HS6ST3: variants seen among roughly 807,000 people sequenced by gnomAD.
The protein encoded by HS6ST3 is heparan sulfate 6-O-sulfotransferase 3, also known as heparan-sulfate 6-O-sulfotransferase 3.
HS6ST3 carries 12 observed loss-of-function variants against 36.7 expected under a neutral mutation model. That is an observed-to-expected ratio of 0.33 (90% CI 0.21 to 0.53). HS6ST3 has a LOEUF of 0.53. HS6ST3 is among the 20% of genes least tolerant of loss of function. HS6ST3 has a pLI of 0.95. For synonymous variants in HS6ST3, 240 were observed against 257.5 expected (o/e 0.93, Z 0.65); for missense variants, 584 against 640.9 (o/e 0.91, Z 0.96).
At chr13:96,527,821 T>C (rs1025296595) in intron 1 of HS6ST3, among the ~76,000 whole-genome samples, 4 of 152,052 alleles carry the variant, frequency 2.6e-5, no homozygotes, top group Non-Finnish European at 5.9e-5. Context: ...GTAGGTAGCA[T>C]TGTTCTCAAA....
Position 96,722,988 on chromosome 13 carries a change from CGTGTGTGTGTGTGTGT to C in HS6ST3, c.708-109481_708-109466del, listed in dbSNP as rs34651683. Among the ~76,000 whole-genome samples the C allele has an allele frequency of 7.0e-5, 10 of 143,672 alleles. No homozygotes were observed. The South Asian group carries it at 9.2e-4, about 13-fold the overall frequency. The allele number at this position is 143,672 out of a possible 152,430, so 94.3% of individuals were successfully genotyped here. On this transcript the variant is annotated intron_variant, in intron 1 of 1. Coordinates refer to ENST00000376705, the MANE Select transcript of HS6ST3 (RefSeq NM_153456.4). ...CAAGACCCTGTCTCAAAAAAATATACGTGTGTGTGTGTGTGTGTGTGTGTGTGTGTGTGTGTACAAG... is the reference window on the plus strand; with the variant it reads ...CAAGACCCTGTCTCAAAAAAATATACGTGTGTGTGTGTGTGTGTGTACAAG...
chr13:96,488,348 C>T (rs2055926753), intron 1 of HS6ST3, among the ~76,000 whole-genome samples: 1 of 152,072 alleles, frequency 6.6e-6, no homozygotes, highest in African/African-American at 2.4e-5. Context: ...AAACCGGTAC[C>T]TCTTAGGTTG....
chr13:96,716,028 C>A (rs575704938), intron 1 of HS6ST3, among the ~76,000 whole-genome samples: 4 of 151,900 alleles, frequency 2.6e-5, no homozygotes, highest in African/African-American at 9.6e-5. Context: ...TACTAAAAAT[C>A]AAAATTAATA....
intron 1 of HS6ST3, among the ~76,000 whole-genome samples, chr13:96,577,848 C>T (rs2056327549): frequency 6.6e-6 from 1 of 152,176 alleles, no homozygotes; most frequent in Non-Finnish European, 1.5e-5. Flanking sequence ...ACAACAGATG[C>T]TGGAGAGGAT....
chr13:96,355,755 T>A (rs1260096061), intron 1 of HS6ST3, among the ~76,000 whole-genome samples: 1 of 152,112 alleles, frequency 6.6e-6, no homozygotes, highest in Non-Finnish European at 1.5e-5. Flanking sequence ...TGGTGATTTT[T>A]AAAAATAACA....
At chr13:96,439,849 A>G (rs2055661908) in intron 1 of HS6ST3, among the ~76,000 whole-genome samples, 1 of 152,218 alleles carries the variant, frequency 6.6e-6, no homozygotes, top group Admixed American at 6.5e-5. Flanking sequence ...GAGGATTCTA[A>G]TTATGTGATA....
intron 1 of HS6ST3, among the ~76,000 whole-genome samples, chr13:96,828,565 C>A (rs1878700765): frequency 6.6e-6 from 1 of 152,084 alleles, no homozygotes; most frequent in African/African-American, 2.4e-5. Context: ...TAACTTACTA[C>A]CAAGATAATC....
Position 96,246,972 on chromosome 13 carries a change from T to TA in HS6ST3, c.707+155411dup, listed in dbSNP as rs1193350330. On this transcript the variant is annotated intron_variant, in intron 1 of 1. Transcript: ENST00000376705. Reference sequence around the variant, plus strand: ...CCTGGAAGACTGTGTTGCATTAAATTAAAAAAAATAGAGGAAAGTATTCAC... The same window carrying TA: ...CCTGGAAGACTGTGTTGCATTAAATTAAAAAAAAATAGAGGAAAGTATTCAC... Among the ~76,000 whole-genome samples, 11 of 151,942 alleles carry TA rather than the reference T, an allele frequency of 7.2e-5. No individual in the cohort carries two copies. The South Asian group carries it at 1.3e-3, about 17-fold the overall frequency.
intron 1 of HS6ST3, among the ~76,000 whole-genome samples, chr13:96,400,726 T>C (rs1267135880): frequency 6.6e-6 from 1 of 152,160 alleles, no homozygotes; most frequent in African/African-American, 2.4e-5. Context: ...CTTTGTGGTT[T>C]GGGAATTTGT....
chr13:96,478,991 T>C (rs929734354), intron 1 of HS6ST3, among the ~76,000 whole-genome samples: 1 of 152,224 alleles, frequency 6.6e-6, no homozygotes, highest in Non-Finnish European at 1.5e-5. Context: ...CTTTCACTTC[T>C]CTGTTTCACA....
intron 1 of HS6ST3, among the ~76,000 whole-genome samples, chr13:96,351,917 A>G (rs888832569): frequency 6.6e-6 from 1 of 152,226 alleles, no homozygotes; most frequent in Non-Finnish European, 1.5e-5. Flanking sequence ...TATTAAATTG[A>G]TAATATCAAT....
At chr13:96,092,173 T>G (rs976031075) in intron 1 of HS6ST3, among the ~76,000 whole-genome samples, 4 of 152,202 alleles carry the variant, frequency 2.6e-5, no homozygotes, top group African/African-American at 9.6e-5. Flanking sequence ...TGGTCTTTGT[T>G]GCCCAGCAGT....
intron 1 of HS6ST3, among the ~76,000 whole-genome samples, chr13:96,464,114 C>G (rs1438806376): frequency 1.0e-5 from 1 of 96,872 alleles, no homozygotes; most frequent in Middle Eastern, 9.1e-3. Context: ...TGAGTTACCT[C>G]CTCAGGAAAG....
chr13:96,291,355 G>T (rs1032423168), intron 1 of HS6ST3, among the ~76,000 whole-genome samples: 2 of 152,176 alleles, frequency 1.3e-5, no homozygotes, highest in Admixed American at 6.5e-5. Flanking sequence ...GATGACAAGG[G>T]TTGGTGGTTG....
At chr13:96,734,513 G>C (rs568272366) in intron 1 of HS6ST3, among the ~76,000 whole-genome samples, 6 of 152,298 alleles carry the variant, frequency 3.9e-5, no homozygotes, top group African/African-American at 1.4e-4. Flanking sequence ...AATTAAAATG[G>C]AGAATCCTTT....
intron 1 of HS6ST3, among the ~76,000 whole-genome samples, chr13:96,137,916 T>C (rs2054010828): frequency 6.6e-6 from 1 of 152,180 alleles, no homozygotes; most frequent in South Asian, 2.1e-4. Context: ...CCTATTTTTA[T>C]TGAAAGAAAC....
At chr13:96,259,131 AGTGTGT>A (rs368627911) in intron 1 of HS6ST3, among the ~76,000 whole-genome samples, 5 of 151,568 alleles carry the variant, frequency 3.3e-5, no homozygotes, top group Admixed American at 2.6e-4. Flanking sequence ...TCTGGAAAGC[AGTGTGT>A]GTGTGTGTAT....
chr13:96,307,027 C>T (rs143691850), intron 1 of HS6ST3, among the ~76,000 whole-genome samples: 1 of 152,146 alleles, frequency 6.6e-6, no homozygotes, highest in African/African-American at 2.4e-5. Flanking sequence ...ATTCATACAC[C>T]AAATAGATGA....
At chr13:96,262,990 T>C (rs1008021945) in intron 1 of HS6ST3, among the ~76,000 whole-genome samples, 2 of 152,162 alleles carry the variant, frequency 1.3e-5, no homozygotes, top group Non-Finnish European at 2.9e-5. Flanking sequence ...TAAAATAAAA[T>C]ACATAGGATT....
Sources: gnomAD v4.1 joint callset for allele counts (sites outside exome capture counted in the v4.1 genomes callset) on GRCh38, gnomAD v4.1.1 for gene constraint, MANE v1.5 for transcripts, NCBI Gene and HGNC (gene_info 2026-07-23, HGNC 2026-07-21) for gene names.